The following FLYWCH1 variants were observed in gnomAD, a reference collection of about 807,000 sequenced individuals.
The protein encoded by FLYWCH1 is FLYWCH-type zinc finger 1, also known as FLYWCH-type zinc finger-containing protein 1.
FLYWCH1 carries 75 observed loss-of-function variants against 66.4 expected under a neutral mutation model. The ratio of observed to expected loss-of-function variants is 1.13; its 90% confidence interval spans 0.94 to 1.37. The LOEUF (loss-of-function observed/expected upper bound fraction) is 1.37. Among genes scored for constraint, FLYWCH1 ranks in the 40% most tolerant of loss-of-function variants. The probability of loss-of-function intolerance (pLI) is 0.00; values close to 1 mark genes in which losing one functional copy is unlikely to be tolerated. For missense variants in FLYWCH1, 1,334 were observed against 1,001.8 expected (o/e 1.33, Z -4.48); for synonymous variants, 595 against 429.9 (o/e 1.38, Z -4.75).
chr16:2,931,030 C>T, intron 4 of FLYWCH1, 150 bp downstream of exon 4: 1 of 699,430 alleles, frequency 1.4e-6, no homozygotes, highest in Middle Eastern at 4.1e-4. Flanking sequence ...TGTGGCCGGG[C>T]ACAGTGGCTC....
rs777892980 is a variant in FLYWCH1 at position 2,930,499 on chromosome 16, G to C, written c.415G>C (p.Val139Leu). Residue 139 changes from valine (V) to leucine (L), a missense_variant, in exon 4 of 10, where the codon GTG (valine) becomes CTG (leucine). Transcript: ENST00000253928. The stretch of plus-strand genomic sequence containing the variant: ...CTTCCTGTACAAGCAGGAGAAGGCA[G>C]TGGGGGACAAGGTGTACTGGAAGTG... ...ESFLYKQEKA[V>L]GDKVYWKCRQ... 1 of 1,534,748 alleles carries C rather than the reference G, an allele frequency of 6.5e-7. No individual in the cohort carries two copies.
intron 2 of FLYWCH1, among the ~76,000 whole-genome samples, chr16:2,924,115 G>T (rs1046460248): frequency 6.6e-6 from 1 of 152,112 alleles, no homozygotes; most frequent in African/African-American, 2.4e-5. Context: ...CGGATCACGA[G>T]GTCAGGAGAT....
intron 6 of FLYWCH1, 125 bp from the exon 7 acceptor site, chr16:2,936,996 G>C: frequency 8.4e-7 from 1 of 1,196,524 alleles, no homozygotes. Context: ...CTGTGTCCTG[G>C]GCTCCGGGGC....
chr16:2,938,562 G>GCA (rs1428570643), intron 8 of FLYWCH1, 106 bp downstream of exon 8: 1 of 1,038,944 alleles, frequency 9.6e-7, no homozygotes, highest in East Asian at 2.9e-5. Flanking sequence ...CTGCTTTTGT[G>GCA]CACACACAAA....
chr16:2,935,982 T>C, intron 6 of FLYWCH1: 1 of 171,918 alleles, frequency 5.8e-6, no homozygotes, highest in Non-Finnish European at 1.3e-5. Context: ...TGGTCTTGGC[T>C]CACTGCAACC....
chr16:2,946,673 G>T (rs1261077139), intron 9 of FLYWCH1, among the ~76,000 whole-genome samples: 1 of 151,990 alleles, frequency 6.6e-6, no homozygotes, highest in Non-Finnish European at 1.5e-5. Context: ...ATGGCCAAAG[G>T]ACCTGAATAT....
intron 2 of FLYWCH1, among the ~76,000 whole-genome samples, chr16:2,927,617 G>A (rs180717947): frequency 0.011 from 1,628 of 152,268 alleles, 15 homozygotes; most frequent in South Asian, 0.017. Context: ...CATTTGGGGG[G>A]AAATGTTATA....
Position 2,930,879 on chromosome 16 carries a change from G to C in FLYWCH1, c.795G>C (p.Leu265=). Residue 265 remains leucine, a splice_region_variant and synonymous_variant, in exon 4 of 10, where the codon CTG becomes CTC. Transcript: ENST00000253928. ...LPPKKRSILG[L]GQARPLEFLR... is the part of the protein sequence containing the mutation. The stretch of plus-strand genomic sequence containing the variant: ...CCAAGAAGCGCTCGATCCTGGGGCT[G>C]GGTGAGTACAATCCACTCCCCTGCT... 1 of 1,585,628 alleles carries C rather than the reference G, an allele frequency of 6.3e-7. No individual in the cohort carries two copies. The highest frequency in any genetic ancestry group is 1.1e-5 in the South Asian group (1 of 87,346).
chr16:2,936,516 C>T (rs549968266), intron 6 of FLYWCH1: 14 of 451,764 alleles, frequency 3.1e-5, no homozygotes, highest in African/African-American at 1.6e-4. Flanking sequence ...CACTGCCACC[C>T]GATGTGTCCA....
chr16:2,937,425 C>G, intron 7 of FLYWCH1, 41 bp downstream of exon 7: 3 of 1,494,260 alleles, frequency 2.0e-6, no homozygotes, highest in Non-Finnish European at 2.7e-6. Flanking sequence ...CCTGGTCTCC[C>G]AGGACCTGTG....
At chr16:2,927,332 G>T (rs373225630) in intron 2 of FLYWCH1, among the ~76,000 whole-genome samples, 3 of 152,206 alleles carry the variant, frequency 2.0e-5, no homozygotes, top group Non-Finnish European at 2.9e-5. Context: ...AATCGGTACC[G>T]GCCGGGGAAG....
In FLYWCH1 at chr16:2,948,722, C is replaced by A; in HGVS notation, c.2146C>A (p.Gln716Lys). 1 of 1,613,868 alleles carries A rather than the reference C, an allele frequency of 6.2e-7. No homozygotes were observed. The highest frequency in any genetic ancestry group is 1.1e-5 in the South Asian group (1 of 91,078). Residue 716 changes from glutamine to lysine, a missense_variant, in exon 10 of 10, where the codon CAG (glutamine) becomes AAG (lysine). By Grantham distance (53) the Gln-to-Lys change is moderately conservative. Transcript: ENST00000253928. Reference protein sequence around the residue: ...IKDVRLDGESQ With the variant: ...IKDVRLDGESK ...AGACGTCAGACTGGATGGCGAGTCC[C>A]AGTGAGGCGATGTGGGCAGAGGAGC...
At chr16:2,927,299 G>T (rs1002812127) in intron 2 of FLYWCH1, among the ~76,000 whole-genome samples, 3 of 152,182 alleles carry the variant, frequency 2.0e-5, no homozygotes, top group East Asian at 3.8e-4. Context: ...ATCTTGAGGC[G>T]TGGCAGTTCC....
chr16:2,930,110 C>T, intron 3 of FLYWCH1, 100 bp downstream of exon 3: 2 of 1,096,560 alleles, frequency 1.8e-6, no homozygotes, highest in Admixed American at 2.5e-5. Context: ...CTTGTCCTTG[C>T]TCCAAGCTCA....
chr16:2,936,793 CGG>C, intron 6 of FLYWCH1: 5 of 537,834 alleles, frequency 9.3e-6, no homozygotes, highest in South Asian at 7.7e-5. Flanking sequence ...CAACCAGGCA[CGG>C]CGCACCCTGC....
At chr16:2,925,832 C>G (rs1239249507) in intron 2 of FLYWCH1, among the ~76,000 whole-genome samples, 1 of 152,164 alleles carries the variant, frequency 6.6e-6, no homozygotes, top group Non-Finnish European at 1.5e-5. Context: ...CCGCTCCCCT[C>G]TGCGTTGTCT....
At chr16:2,939,503 T>A (rs1567348479) in intron 8 of FLYWCH1, among the ~76,000 whole-genome samples, 8 of 151,646 alleles carry the variant, frequency 5.3e-5, no homozygotes, top group African/African-American at 1.7e-4. Context: ...TGGTGAAACC[T>A]TGAAAGAAAA....
intron 6 of FLYWCH1, chr16:2,936,824 G>A (rs1161436702): frequency 3.4e-6 from 2 of 594,134 alleles, no homozygotes; most frequent in South Asian, 3.1e-5. Context: ...CTGGGCGGGT[G>A]CTGGGGACGG....
In FLYWCH1 at chr16:2,929,817, G is replaced by C. The variant is rs1179655666; in HGVS notation, c.132G>C (p.Leu44=). Residue 44 remains leucine, a synonymous_variant, in exon 3 of 10, where the codon CTG becomes CTC. Transcript: ENST00000253928. ...CCAGGGAGTTCTCCAAACTGGTGCTGCTCACAGCCTCCGACCAAGATGAGG... is the reference window on the plus strand; with the variant it reads ...CCAGGGAGTTCTCCAAACTGGTGCTCCTCACAGCCTCCGACCAAGATGAGG... ...RKPREFSKLV[L]LTASDQDEDG... The C allele has an allele frequency of 1.2e-6, 2 of 1,613,868 alleles. No homozygotes were observed. Among genetic ancestry groups the C allele is most frequent in the Non-Finnish European group, 1.7e-6 (2 of 1,179,904 alleles).
Sources: allele counts gnomAD v4.1 joint callset (sites outside exome capture counted in the v4.1 genomes callset), GRCh38; gene constraint gnomAD v4.1.1; transcripts MANE v1.5; gene names NCBI Gene and HGNC (gene_info 2026-07-23, HGNC 2026-07-21).